The following NBEA variants were observed in gnomAD, a reference collection of about 807,000 sequenced individuals.
NBEA encodes the protein lysosomal-trafficking regulator 2.
NBEA carries 44 observed loss-of-function variants against 343.4 expected under a neutral mutation model. The ratio of observed to expected loss-of-function variants is 0.13; its 90% CI spans 0.10 to 0.16. NBEA has a LOEUF of 0.16. Among genes scored for constraint, NBEA ranks in the 10% least tolerant of loss-of-function variants. NBEA has a pLI of 1.00. For synonymous variants in NBEA, 1,175 were observed against 1,238.7 expected (o/e 0.95, Z 1.08); for missense variants, 2,555 against 3,631.3 (o/e 0.70, Z 7.62).
chr13:35,515,202 A>T (rs892284379), intron 41 of NBEA, among the ~76,000 whole-genome samples: 13 of 152,238 alleles, frequency 8.5e-5, no homozygotes, highest in African/African-American at 3.1e-4. Flanking sequence ...ACCTTCATGT[A>T]GAGGGAAAGC....
At chr13:35,229,118 C>T (rs1391140206) in intron 33 of NBEA, among the ~76,000 whole-genome samples, 1 of 152,110 alleles carries the variant, frequency 6.6e-6, no homozygotes, top group Non-Finnish European at 1.5e-5. Context: ...GCAGCCTTGA[C>T]CTCCTGGGCT....
At chr13:35,298,795 AT>A (rs1039435100) in intron 35 of NBEA, among the ~76,000 whole-genome samples, 4 of 151,760 alleles carry the variant, frequency 2.6e-5, no homozygotes, top group South Asian at 2.1e-4. Context: ...GTATTTCCTA[AT>A]TTTTTTTATG....
intron 1 of NBEA, among the ~76,000 whole-genome samples, chr13:35,000,613 C>T (rs111930262): frequency 6.7e-6 from 1 of 150,362 alleles, no homozygotes; most frequent in East Asian, 2.0e-4. Flanking sequence ...CACACACACA[C>T]GTTTTAAAAG....
At chr13:35,607,769 T>A (rs1035872496) in intron 48 of NBEA, among the ~76,000 whole-genome samples, 10 of 137,046 alleles carry the variant, frequency 7.3e-5, no homozygotes, top group African/African-American at 3.2e-4. Context: ...AAAAAAAAAA[T>A]GAATATTAGT....
At chr13:35,620,551 C>T (rs1303179094) in intron 48 of NBEA, among the ~76,000 whole-genome samples, 2 of 149,188 alleles carry the variant, frequency 1.3e-5, no homozygotes, top group Non-Finnish European at 3.0e-5. Flanking sequence ...TCTTGAAGGC[C>T]ATCATAAGTA....
intron 17 of NBEA, 147 bp downstream of exon 17, chr13:35,123,721 GT>G: frequency 2.5e-6 from 1 of 394,072 alleles, no homozygotes; most frequent in Non-Finnish European, 4.5e-6. Flanking sequence ...TTGTAAAAAT[GT>G]TTTATAAAAT....
intron 33 of NBEA, among the ~76,000 whole-genome samples, chr13:35,214,339 T>A (rs575780375): frequency 1.3e-3 from 202 of 152,098 alleles, no homozygotes; most frequent in African/African-American, 4.8e-3. Flanking sequence ...TGCAAAGTAG[T>A]AGTATCATTT....
At chr13:35,527,494 T>C (rs1455700744) in intron 41 of NBEA, among the ~76,000 whole-genome samples, 1 of 152,156 alleles carries the variant, frequency 6.6e-6, no homozygotes, top group Non-Finnish European at 1.5e-5. Flanking sequence ...TCGGGTTGCC[T>C]TCAGCTACCC....
At chr13:35,062,067 A>T (rs773284552) in intron 8 of NBEA, among the ~76,000 whole-genome samples, 1 of 151,788 alleles carries the variant, frequency 6.6e-6, no homozygotes, top group South Asian at 2.1e-4. Flanking sequence ...GAAAATCATC[A>T]TATACCAACA....
At chr13:34,997,091 C>G (rs915113271) in intron 1 of NBEA, among the ~76,000 whole-genome samples, 9 of 152,198 alleles carry the variant, frequency 5.9e-5, no homozygotes, top group African/African-American at 1.9e-4. Context: ...TTATTTCTTA[C>G]CTTACCTTCT....
chr13:35,624,869 G>A (rs186138374), intron 48 of NBEA, among the ~76,000 whole-genome samples: 6 of 152,056 alleles, frequency 3.9e-5, no homozygotes, highest in Admixed American at 3.3e-4. Context: ...GAAGGAGACT[G>A]GGCTTCTATG....
intron 1 of NBEA, among the ~76,000 whole-genome samples, chr13:35,010,619 G>C (rs925170927): frequency 2.1e-5 from 3 of 146,144 alleles, no homozygotes; most frequent in African/African-American, 7.6e-5. Context: ...ATGGTGGCTC[G>C]TGCCTGTAAT....
rs777607207 is a variant in NBEA, at chr13:35,142,312, C to G, written c.2380C>G (p.Leu794Val). ...IMHTHSLFTL[L>V]GERLMLHTNT... ...GCACACCCATAGTCTTTTCACTCTT[C>G]TTGGAGAAAGGCTGATGTTGCATAC... The change falls in exon 18 of 59, where the codon CTT becomes GTT. Residue 794 changes from leucine (L) to valine (V), a missense_variant. Around this residue, in one of 21 missense-constraint regions of NBEA, gnomAD observed 360 missense variants for 519.1 expected, o/e 0.69. Coordinates refer to ENST00000379939, the MANE Select transcript of NBEA (RefSeq NM_001385012.1). The G allele has an allele frequency of 3.1e-6, 5 of 1,613,298 alleles. No individual in the cohort carries two copies. Among genetic ancestry groups the G allele is most frequent in the Admixed American group, 3.3e-5 (2 of 60,002 alleles).
At chr13:35,515,945 A>G (rs2077471104) in intron 41 of NBEA, among the ~76,000 whole-genome samples, 1 of 152,218 alleles carries the variant, frequency 6.6e-6, no homozygotes, top group Non-Finnish European at 1.5e-5. Context: ...AGCAACCACT[A>G]TCCTTCTGGT....
chr13:35,559,804 T>C (rs1382040446), intron 44 of NBEA, among the ~76,000 whole-genome samples: 1 of 151,664 alleles, frequency 6.6e-6, no homozygotes, highest in Non-Finnish European at 1.5e-5. Flanking sequence ...TAGTCCCAGC[T>C]ACTCGGAAGG....
At chr13:35,558,989 A>G (rs938221711) in intron 44 of NBEA, among the ~76,000 whole-genome samples, 15 of 152,222 alleles carry the variant, frequency 9.9e-5, no homozygotes, top group African/African-American at 3.6e-4. Context: ...AATAAGTAGA[A>G]TGACAATTGA....
At chr13:35,493,851 G>A (rs914918987) in intron 41 of NBEA, among the ~76,000 whole-genome samples, 6 of 151,800 alleles carry the variant, frequency 4.0e-5, no homozygotes, top group African/African-American at 7.2e-5. Context: ...ATCTCGTCAT[G>A]TGCAACATAT....
chr13:35,267,192 G>T (rs140683379), intron 34 of NBEA, among the ~76,000 whole-genome samples: 1 of 151,920 alleles, frequency 6.6e-6, no homozygotes, highest in African/African-American at 2.4e-5. Flanking sequence ...GTGGACACAG[G>T]CAGTTCAAAG....
chr13:35,399,917 G>A (rs1384579486), intron 38 of NBEA, among the ~76,000 whole-genome samples: 2 of 151,994 alleles, frequency 1.3e-5, no homozygotes, highest in Non-Finnish European at 2.9e-5. Flanking sequence ...GGGAGGGAGA[G>A]GGACAGGGGA....
Sources: gnomAD v4.1 joint callset for allele counts (sites outside exome capture counted in the v4.1 genomes callset) on GRCh38, gnomAD v4.1.1 for gene constraint, gnomAD v4.1.1 regional missense constraint, MANE v1.5 for transcripts, NCBI Gene and HGNC (gene_info 2026-07-23, HGNC 2026-07-21) for gene names.